The following CCNY variants were observed in gnomAD, a reference collection of about 807,000 sequenced individuals.
CCNY encodes the protein cyclin-Y.
Under a neutral mutation model 42.8 loss-of-function variants are expected in CCNY, and 19 were observed. That is an observed-to-expected ratio of 0.44 (90% CI 0.31 to 0.65). CCNY has a LOEUF of 0.65. Ranked by LOEUF, CCNY falls within the 30% of genes least tolerant of loss-of-function variation. The probability of loss-of-function intolerance (pLI) is 0.07; values close to 1 mark genes in which losing one functional copy is unlikely to be tolerated. For missense variants in CCNY, 370 were observed against 437.3 expected, an observed-to-expected ratio of 0.85 and a Z score of 1.37; for synonymous variants, 165 against 162.7, an observed-to-expected ratio of 1.01 and a Z score of -0.11.
At chr10:35,497,932 C>T (rs550269570) in intron 2 of CCNY, among the ~76,000 whole-genome samples, 6 of 152,116 alleles carry the variant, frequency 3.9e-5, no homozygotes, top group Non-Finnish European at 7.4e-5. Flanking sequence ...CTCCCTCTGC[C>T]GTGTTTCTCT....
chr10:35,363,471 G>A (rs530809040), intron 1 of CCNY, among the ~76,000 whole-genome samples: 2 of 152,288 alleles, frequency 1.3e-5, no homozygotes, highest in East Asian at 3.9e-4. Context: ...ACGGTGGGGC[G>A]GCCTGGTAGA....
chr10:35,302,962 G>A (rs534352228), intron 3 of CCNY, among the ~76,000 whole-genome samples: 2 of 152,274 alleles, frequency 1.3e-5, no homozygotes, highest in African/African-American at 2.4e-5. Context: ...TTGAGAAGCC[G>A]AGGCAGGAAG....
intron 1 of CCNY, among the ~76,000 whole-genome samples, chr10:35,395,543 G>A (rs1317566140): frequency 6.6e-6 from 1 of 152,018 alleles, no homozygotes; most frequent in African/African-American, 2.4e-5. Flanking sequence ...GGTTGTGGGG[G>A]ACAGTAGAGG....
intron 2 of CCNY, among the ~76,000 whole-genome samples, chr10:35,489,076 G>A (rs889925145): frequency 1.3e-5 from 2 of 152,104 alleles, no homozygotes; most frequent in African/African-American, 2.4e-5. Flanking sequence ...TCAGGAGATC[G>A]AGACCATCCT....
chr10:35,538,699 G>C (rs1440645161), intron 7 of CCNY, among the ~76,000 whole-genome samples: 1 of 152,168 alleles, frequency 6.6e-6, no homozygotes, highest in African/African-American at 2.4e-5. Flanking sequence ...ATATGTTCTG[G>C]ATACAAGTCC....
At chr10:35,293,075 C>T (rs995404402) in intron 3 of CCNY, among the ~76,000 whole-genome samples, 4 of 152,098 alleles carry the variant, frequency 2.6e-5, no homozygotes, top group African/African-American at 4.8e-5. Context: ...CCACCGTGCC[C>T]GGCCTGTTAT....
At chr10:35,487,734 C>T (rs1482244649) in intron 2 of CCNY, among the ~76,000 whole-genome samples, 11 of 152,074 alleles carry the variant, frequency 7.2e-5, no homozygotes, top group Admixed American at 7.2e-4. Flanking sequence ...TTATCCAAAG[C>T]CAGAGTGACT....
chr10:35,395,362 C>A (rs1208571168), intron 1 of CCNY, among the ~76,000 whole-genome samples: 1 of 152,124 alleles, frequency 6.6e-6, no homozygotes, highest in Non-Finnish European at 1.5e-5. Context: ...AAACCAGGCT[C>A]AATGGCAAGT....
At chr10:35,354,873 T>C (rs1564379459) in intron 1 of CCNY, among the ~76,000 whole-genome samples, 5 of 152,136 alleles carry the variant, frequency 3.3e-5, no homozygotes, top group Admixed American at 2.6e-4. Flanking sequence ...AATTCTCCTA[T>C]CTTTCTAAGT....
At chr10:35,442,438 A>G (rs1297543147) in intron 1 of CCNY, among the ~76,000 whole-genome samples, 2 of 152,248 alleles carry the variant, frequency 1.3e-5, no homozygotes, top group Middle Eastern at 3.2e-3. Flanking sequence ...AGGTAGTGAA[A>G]TAATGAGACC....
chr10:35,254,510 C>T (rs2095714146), intron 3 of CCNY, among the ~76,000 whole-genome samples: 1 of 151,886 alleles, frequency 6.6e-6, no homozygotes, highest in South Asian at 2.1e-4. Flanking sequence ...TTTTCTTTAG[C>T]ACATAATTCC....
At chr10:35,252,802 G>A (rs1389863570) in intron 3 of CCNY, among the ~76,000 whole-genome samples, 2 of 152,006 alleles carry the variant, frequency 1.3e-5, no homozygotes, top group Non-Finnish European at 2.9e-5. Context: ...TAGCAGTTTT[G>A]TATACAACCT....
At chr10:35,398,891 G>C (rs763890895) in intron 1 of CCNY, among the ~76,000 whole-genome samples, 15 of 152,218 alleles carry the variant, frequency 9.9e-5, no homozygotes, top group Non-Finnish European at 1.9e-4. Flanking sequence ...CCTGAGAACT[G>C]GTGGAGCCTG....
At chr10:35,288,315 A>G (rs1285925811) in intron 3 of CCNY, among the ~76,000 whole-genome samples, 2 of 152,114 alleles carry the variant, frequency 1.3e-5, no homozygotes, top group Admixed American at 6.6e-5. Flanking sequence ...GTAATGGCCA[A>G]TGTGTCTTAC....
At chr10:35,403,699 A>G (rs1327761568) in intron 1 of CCNY, among the ~76,000 whole-genome samples, 2 of 152,252 alleles carry the variant, frequency 1.3e-5, no homozygotes, top group African/African-American at 2.4e-5. Flanking sequence ...TTTGGAGTCA[A>G]TATAAATATT....
intron 3 of CCNY, among the ~76,000 whole-genome samples, chr10:35,515,324 C>G (rs1840405847): frequency 6.6e-6 from 1 of 152,096 alleles, no homozygotes; most frequent in African/African-American, 2.4e-5. Flanking sequence ...AAATTGGAAC[C>G]CCAAAGAAGT....
intron 1 of CCNY, among the ~76,000 whole-genome samples, chr10:35,473,704 T>A (rs1203451292): frequency 6.6e-6 from 1 of 152,258 alleles, no homozygotes; most frequent in Non-Finnish European, 1.5e-5. Context: ...CTATAATCTC[T>A]AATTTTAAGC....
At chr10:35,538,824 T>C (rs1415547643) in intron 7 of CCNY, among the ~76,000 whole-genome samples, 1 of 152,218 alleles carries the variant, frequency 6.6e-6, no homozygotes, top group Non-Finnish European at 1.5e-5. Context: ...TGTATTTCTT[T>C]TGTCACTTGT....
chr10:35,268,057 T>C (rs2095727404), intron 3 of CCNY, among the ~76,000 whole-genome samples: 1 of 152,066 alleles, frequency 6.6e-6, no homozygotes, highest in Non-Finnish European at 1.5e-5. Context: ...CCCAAGTAGC[T>C]GGGATTATAA....
Sources: allele counts gnomAD v4.1 joint callset (sites outside exome capture counted in the v4.1 genomes callset), GRCh38; gene constraint gnomAD v4.1.1; transcripts MANE v1.5; gene names NCBI Gene and HGNC (gene_info 2026-07-23, HGNC 2026-07-21).